The following UGGT2 variants were observed in gnomAD, a reference collection of about 807,000 sequenced individuals.
UGGT2 encodes UDP-glucose:glycoprotein glucosyltransferase 2.
A neutral mutation model predicts 192.1 loss-of-function variants in UGGT2; 180 were observed. The ratio of observed to expected loss-of-function variants is 0.94; its 90% CI spans 0.83 to 1.06. The LOEUF is 1.06. UGGT2 is among the 50% of genes least tolerant of loss of function. The pLI, the probability that UGGT2 is intolerant of heterozygous loss-of-function variation, is 0.00. For missense variants in UGGT2, 1,849 were observed against 1,795.7 expected (o/e 1.03, Z -0.54); for synonymous variants, 580 against 591.0 (o/e 0.98, Z 0.27).
At chr13:96,005,881 G>C (rs1468353439) in intron 5 of UGGT2, among the ~76,000 whole-genome samples, 2 of 152,156 alleles carry the variant, frequency 1.3e-5, no homozygotes, top group Non-Finnish European at 2.9e-5. Context: ...ATCTAAGTGG[G>C]GAGACCTAAA....
intron 10 of UGGT2, among the ~76,000 whole-genome samples, chr13:95,980,151 G>A (rs1436164947): frequency 6.6e-6 from 1 of 152,118 alleles, no homozygotes; most frequent in Admixed American, 6.6e-5. Flanking sequence ...GCCCAGAGGG[G>A]TGGGGGGGAA....
chr13:95,895,493 T>C (rs2047921583), intron 22 of UGGT2, among the ~76,000 whole-genome samples, 189 bp from the exon 23 acceptor site: 1 of 151,960 alleles, frequency 6.6e-6, no homozygotes, highest in African/African-American at 2.4e-5. Flanking sequence ...ACTTTGATAT[T>C]ACAAATAACA....
intron 10 of UGGT2, chr13:95,983,535 A>G (rs1331424656): frequency 1.9e-6 from 1 of 523,054 alleles, no homozygotes; most frequent in Admixed American, 2.3e-5. Context: ...ATTAACTCAC[A>G]GCCTTTATTC....
At chr13:95,842,698 T>G (rs1227582524) in intron 36 of UGGT2, among the ~76,000 whole-genome samples, 1 of 152,224 alleles carries the variant, frequency 6.6e-6, no homozygotes, top group Non-Finnish European at 1.5e-5. Flanking sequence ...CTCTGATTCT[T>G]CTCTCTCATG....
intron 10 of UGGT2, among the ~76,000 whole-genome samples, chr13:95,972,898 T>C (rs1396976293): frequency 1.3e-5 from 2 of 152,256 alleles, no homozygotes; most frequent in African/African-American, 4.8e-5. Flanking sequence ...AGGCCAGGCG[T>C]GGCGGCTTAC....
rs371916436 is a variant in UGGT2, at chr13:96,010,644, CAA to C, written c.660+2661_660+2662del. Among the ~76,000 whole-genome samples, 418 of 152,124 alleles carry C rather than the reference CAA, an allele frequency of 2.7e-3. 1 individual carries two copies. Among genetic ancestry groups the C allele is most frequent in the African/African-American group, 9.6e-3 (400 of 41,506 alleles). ...GAAATCAAAGGATGTCTAAATAAAT[CAA>C]GAGACATAATTTTCAATTGGAAGAC... is the stretch of plus-strand genomic sequence containing the variant. On this transcript the variant is annotated intron_variant, in intron 5 of 38. Coordinates refer to ENST00000376747, the MANE Select transcript of UGGT2 (RefSeq NM_020121.4).
intron 23 of UGGT2, among the ~76,000 whole-genome samples, chr13:95,894,916 G>C (rs1394832134): frequency 6.6e-6 from 1 of 152,082 alleles, no homozygotes; most frequent in Admixed American, 6.6e-5. Flanking sequence ...ATAGGAAAAT[G>C]GTTACCTCTT....
intron 38 of UGGT2, among the ~76,000 whole-genome samples, chr13:95,819,440 G>T (rs901117766): frequency 5.3e-5 from 8 of 151,802 alleles, no homozygotes; most frequent in Non-Finnish European, 1.0e-4. Context: ...ATAAGCTTAT[G>T]GAAGCCCTAA....
chr13:96,035,821 T>C (rs1448215263), intron 1 of UGGT2, among the ~76,000 whole-genome samples: 1 of 152,192 alleles, frequency 6.6e-6, no homozygotes, highest in African/African-American at 2.4e-5. Context: ...TCCACATCAC[T>C]GATCATTAGA....
In UGGT2 at chr13:96,013,939, C is replaced by G. The variant is rs982234732; in HGVS notation, c.486-458G>C. On this transcript the variant is annotated intron_variant, in intron 4 of 38. Transcript: ENST00000376747. ...CCAAGTATAAGCAAAGAAACCAGGA[C>G]TCTTATGGTCTAGCATTATCATCAG... is the stretch of plus-strand genomic sequence containing the variant. Among the ~76,000 whole-genome samples, 3 of 152,252 alleles carry G rather than the reference C, an allele frequency of 2.0e-5. No individual in the cohort carries two copies. In the South Asian group the frequency reaches 6.2e-4, roughly 32 times the overall value.
chr13:95,836,758 A>C (rs749987467), intron 37 of UGGT2, among the ~76,000 whole-genome samples: 1 of 152,140 alleles, frequency 6.6e-6, no homozygotes, highest in Non-Finnish European at 1.5e-5. Flanking sequence ...GGACTCTTGG[A>C]ATCTTGCACC....
chr13:95,979,508 A>C (rs938382522), intron 10 of UGGT2, among the ~76,000 whole-genome samples: 2 of 144,272 alleles, frequency 1.4e-5, no homozygotes, highest in African/African-American at 5.1e-5. Context: ...AAAAACTAGA[A>C]TAGGTAAATA....
At chr13:95,805,215 T>C (rs78722098) in intron 38 of UGGT2, among the ~76,000 whole-genome samples, 246 of 151,256 alleles carry the variant, frequency 1.6e-3, no homozygotes, top group African/African-American at 5.5e-3. Flanking sequence ...ATTAGAGAAA[T>C]GCATAACAAA....
At chr13:95,969,091 G>C (rs1368965282) in intron 12 of UGGT2, among the ~76,000 whole-genome samples, 1 of 152,148 alleles carries the variant, frequency 6.6e-6, no homozygotes, top group Non-Finnish European at 1.5e-5. Flanking sequence ...CTTTTCCTCA[G>C]TCCGGAGATT....
intron 13 of UGGT2, 76 bp downstream of exon 13, chr13:95,949,259 T>C (rs958946630): frequency 4.8e-5 from 62 of 1,292,212 alleles, no homozygotes; most frequent in Non-Finnish European, 5.9e-5. Context: ...TGCCTATTCA[T>C]TGACAGAAGG....
chr13:95,903,114 G>A lies in UGGT2; in HGVS notation c.2296-54C>T, dbSNP rs1318030330. On this transcript the variant is annotated intron_variant, in intron 20 of 38. Coordinates refer to ENST00000376747, the MANE Select transcript of UGGT2 (RefSeq NM_020121.4). ...CCAGTATCATACATATCATTTTACA[G>A]GTGAATATATTTTCTTTCCCATCCA... 4.0e-6 allele frequency: 6 copies of A among 1,517,904 alleles called. No homozygotes were observed. The African/African-American group carries it at 4.2e-5, about 11-fold the overall frequency. 94.0% of individuals were successfully genotyped at this position (1,517,904 alleles called of 1,614,324 possible).
intron 20 of UGGT2, among the ~76,000 whole-genome samples, chr13:95,914,021 G>A (rs534731227): frequency 6.6e-6 from 1 of 152,206 alleles, no homozygotes; most frequent in South Asian, 2.1e-4. Context: ...CTCATAGGTG[G>A]GAATTGAACA....
chr13:95,809,095 T>G (rs2139737991), intron 38 of UGGT2, among the ~76,000 whole-genome samples: 1 of 152,262 alleles, frequency 6.6e-6, no homozygotes, highest in East Asian at 1.9e-4. Context: ...TATTTTCTGG[T>G]TGTACCCAAA....
chr13:95,980,261 G>A (rs2051075842), intron 10 of UGGT2, among the ~76,000 whole-genome samples: 1 of 152,114 alleles, frequency 6.6e-6, no homozygotes, highest in African/African-American at 2.4e-5. Context: ...TACATACCAC[G>A]GAATACTACT....
Sources: allele counts gnomAD v4.1 joint callset (sites outside exome capture counted in the v4.1 genomes callset), GRCh38; gene constraint gnomAD v4.1.1; transcripts MANE v1.5; gene names NCBI Gene and HGNC (gene_info 2026-07-23, HGNC 2026-07-21).